Variants in TBC1D22A observed in about 807,000 individuals in gnomAD.
TBC1D22A encodes TBC1 domain family member 22A, also known as putative GTPase activator.
A neutral mutation model predicts 60.2 loss-of-function variants in TBC1D22A; 38 were observed. The ratio of observed to expected loss-of-function variants is 0.63; its 90% CI spans 0.49 to 0.83. TBC1D22A has a LOEUF of 0.83. Ranked by LOEUF, TBC1D22A falls within the 40% of genes least tolerant of loss-of-function variation. TBC1D22A has a pLI of 0.00. For missense variants in TBC1D22A, 628 were observed against 701.0 expected, an observed-to-expected ratio of 0.90 and a Z score of 1.18; for synonymous variants, 302 against 281.7, an observed-to-expected ratio of 1.07 and a Z score of -0.72.
intron 1 of TBC1D22A, among the ~76,000 whole-genome samples, chr22:46,768,938 A>AT (rs2083390334): frequency 6.6e-6 from 1 of 151,992 alleles, no homozygotes; most frequent in African/African-American, 2.4e-5. Flanking sequence ...TACTAAAAAT[A>AT]CAAAAAATAG....
chr22:46,831,339 C>T lies in TBC1D22A; in HGVS notation c.637+33719C>T, dbSNP rs1487224808. Among the ~76,000 whole-genome samples the T allele has an allele frequency of 2.6e-5, 4 of 152,054 alleles. No individual in the cohort carries two copies. The South Asian group carries it at 6.2e-4, about 24-fold the overall frequency. On this transcript the variant is annotated intron_variant, in intron 4 of 12. Coordinates refer to ENST00000337137, the MANE Select transcript of TBC1D22A (RefSeq NM_014346.5). The stretch of plus-strand genomic sequence containing the variant: ...TTCTCTTTACCACTGTTTCGTTTAA[C>T]GGTTGTGGGAACCGAGGCCCACAGA...
intron 11 of TBC1D22A, among the ~76,000 whole-genome samples, chr22:47,107,444 C>T (rs901848773): frequency 3.3e-5 from 5 of 152,128 alleles, no homozygotes; most frequent in Non-Finnish European, 7.3e-5. Context: ...CCAACAACTA[C>T]CAACAAGCAG....
At chr22:47,080,639 A>C (rs1376893102) in intron 11 of TBC1D22A, among the ~76,000 whole-genome samples, 1 of 151,796 alleles carries the variant, frequency 6.6e-6, no homozygotes, top group African/African-American at 2.4e-5. Context: ...ATATATATAT[A>C]TATGAATGAA....
At chr22:46,934,352 G>T (rs949861949) in intron 8 of TBC1D22A, among the ~76,000 whole-genome samples, 1 of 152,222 alleles carries the variant, frequency 6.6e-6, no homozygotes, top group Admixed American at 6.5e-5. Flanking sequence ...CTCAGCCTTC[G>T]TGCTCTGGGG....
chr22:47,120,978 A>C (rs539104867), intron 12 of TBC1D22A, among the ~76,000 whole-genome samples: 1 of 152,382 alleles, frequency 6.6e-6, no homozygotes, highest in Admixed American at 6.5e-5. Context: ...AACAAAATTC[A>C]AAGGCAGTTG....
chr22:47,146,940 A>G (rs2067305884), intron 12 of TBC1D22A, among the ~76,000 whole-genome samples: 1 of 152,222 alleles, frequency 6.6e-6, no homozygotes, highest in African/African-American at 2.4e-5. Context: ...TCACCCGTTC[A>G]TTTGAAAAAT....
chr22:46,827,362 G>A (rs1053354112), intron 4 of TBC1D22A, among the ~76,000 whole-genome samples: 11 of 152,204 alleles, frequency 7.2e-5, no homozygotes, highest in African/African-American at 2.7e-4. Flanking sequence ...TGTGTTCAAT[G>A]TCCTCTTAAT....
Position 47,037,175 on chromosome 22 carries a change from A to G in TBC1D22A, c.1306A>G (p.Ile436Val). 2 of 1,613,764 alleles carry G rather than the reference A, an allele frequency of 1.2e-6. No individual in the cohort carries two copies. Among genetic ancestry groups the G allele is most frequent in the Non-Finnish European group, 1.7e-6 (2 of 1,179,860 alleles). ...GAGGGAGGTGCCCCTGCGTTGTACCATCCGCCTGTGGGACACCTACCAGGT... is the reference window on the plus strand; with the variant it reads ...GAGGGAGGTGCCCCTGCGTTGTACCGTCCGCCTGTGGGACACCTACCAGGT... Reference protein sequence around the residue: ...LMREVPLRCTIRLWDTYQSEP... With the variant: ...LMREVPLRCTVRLWDTYQSEP... The change falls in exon 11 of 13, where the codon ATC becomes GTC. Residue 436 changes from isoleucine (I) to valine (V), a missense_variant. Transcript: ENST00000337137.
chr22:46,801,037 C>G (rs1229725325), intron 4 of TBC1D22A, among the ~76,000 whole-genome samples: 1 of 152,176 alleles, frequency 6.6e-6, no homozygotes, highest in Non-Finnish European at 1.5e-5. Flanking sequence ...GTAAAGCTTT[C>G]AAGACTTGTA....
At chr22:46,873,279 A>G (rs1335263884) in intron 4 of TBC1D22A, among the ~76,000 whole-genome samples, 1 of 152,230 alleles carries the variant, frequency 6.6e-6, no homozygotes, top group African/African-American at 2.4e-5. Flanking sequence ...CAGTAAACAC[A>G]TGAAAATCTC....
intron 3 of TBC1D22A, among the ~76,000 whole-genome samples, chr22:46,794,841 A>G (rs1402706759): frequency 1.3e-5 from 2 of 152,212 alleles, no homozygotes; most frequent in African/African-American, 4.8e-5. Flanking sequence ...GGCGAAGTCC[A>G]GCTGGATTGG....
At chr22:46,884,633 T>C (rs2068020923) in intron 5 of TBC1D22A, among the ~76,000 whole-genome samples, 1 of 152,240 alleles carries the variant, frequency 6.6e-6, no homozygotes, top group Admixed American at 6.5e-5. Context: ...CTGTAGCAGC[T>C]AATCTCTGCC....
rs184344416 is a variant in TBC1D22A at position 47,130,005 on chromosome 22, C to T, written c.1425+18402C>T. On this transcript the variant is annotated intron_variant, in intron 12 of 12. Coordinates refer to ENST00000337137, the MANE Select transcript of TBC1D22A (RefSeq NM_014346.5). ...TGGTCCCAGCACACGGCCATGCCCTCGTGCCCGGCCCTTCCTTCTGAGGCT... is the reference window on the plus strand; with the variant it reads ...TGGTCCCAGCACACGGCCATGCCCTTGTGCCCGGCCCTTCCTTCTGAGGCT... Among the ~76,000 whole-genome samples, 681 of 152,352 alleles carry T rather than the reference C, an allele frequency of 4.5e-3. 4 individuals carry two copies. The highest frequency in any genetic ancestry group is 0.014 in the African/African-American group (576 of 41,584).
chr22:46,958,946 C>T (rs912051941), intron 8 of TBC1D22A, among the ~76,000 whole-genome samples: 5 of 152,180 alleles, frequency 3.3e-5, no homozygotes, highest in African/African-American at 1.2e-4. Context: ...ACACAATACA[C>T]CATGCTCATT....
chr22:47,058,491 G>A (rs2063469298), intron 11 of TBC1D22A, among the ~76,000 whole-genome samples: 1 of 152,034 alleles, frequency 6.6e-6, no homozygotes, highest in African/African-American at 2.4e-5. Flanking sequence ...GTCTAGTCCA[G>A]CATTAGAGCC....
At chr22:47,101,303 T>G (rs1234753605) in intron 11 of TBC1D22A, among the ~76,000 whole-genome samples, 1 of 152,194 alleles carries the variant, frequency 6.6e-6, no homozygotes, top group African/African-American at 2.4e-5. Flanking sequence ...AGACTGGAAG[T>G]GTCCCCCTGC....
At chr22:46,901,143 T>C (rs987365220) in intron 7 of TBC1D22A, among the ~76,000 whole-genome samples, 4 of 152,348 alleles carry the variant, frequency 2.6e-5, no homozygotes, top group Admixed American at 2.6e-4. Flanking sequence ...AGATTGGTCA[T>C]GATGGATTTT....
chr22:47,078,861 A>G (rs2064333262), intron 11 of TBC1D22A, among the ~76,000 whole-genome samples: 1 of 152,132 alleles, frequency 6.6e-6, no homozygotes, highest in Non-Finnish European at 1.5e-5. Flanking sequence ...TCTCCTCAGG[A>G]GCTGCTGTAG....
chr22:47,070,224 C>T (rs891513900), intron 11 of TBC1D22A, among the ~76,000 whole-genome samples: 1 of 148,694 alleles, frequency 6.7e-6, no homozygotes, highest in African/African-American at 2.5e-5. Flanking sequence ...TTGGTTGGAG[C>T]GGAGCTGACC....
Sources: allele counts gnomAD v4.1 joint callset (sites outside exome capture counted in the v4.1 genomes callset), GRCh38; gene constraint gnomAD v4.1.1; transcripts MANE v1.5; gene names NCBI Gene and HGNC (gene_info 2026-07-23, HGNC 2026-07-21).